The following TUB variants were observed in gnomAD, a reference collection of about 807,000 sequenced individuals.
TUB encodes the protein tubby protein homolog.
In TUB, 33 loss-of-function variants were observed where a neutral mutation model predicts 59.7. The observed-to-expected ratio is 0.55, with a 90% CI of 0.42 to 0.74. TUB has a LOEUF of 0.74. Among genes scored for constraint, TUB ranks in the 30% least tolerant of loss-of-function variants. The pLI is 0.00. For missense variants in TUB, 659 were observed against 672.0 expected (o/e 0.98, Z 0.21); for synonymous variants, 293 against 256.4 (o/e 1.14, Z -1.36).
chr11:8,019,400 C>T, intron 1 of TUB: 1 of 1,230,824 alleles, frequency 8.1e-7, no homozygotes, highest in Non-Finnish European at 1.0e-6. Flanking sequence ...CGCCTGCTGA[C>T]CCTCGATCTC....
At chr11:8,046,849 T>C (rs935995374) in intron 2 of TUB, among the ~76,000 whole-genome samples, 11 of 152,190 alleles carry the variant, frequency 7.2e-5, no homozygotes, top group Non-Finnish European at 1.2e-4. Flanking sequence ...TTGGGCCACA[T>C]TGGAAGAAGA....
chr11:8,065,931 T>TCA (rs1943231235), intron 2 of TUB, among the ~76,000 whole-genome samples: 2 of 152,020 alleles, frequency 1.3e-5, no homozygotes, highest in Non-Finnish European at 2.9e-5. Context: ...GTGGATTCTG[T>TCA]GGTTGCAGAC....
In TUB at chr11:8,105,473, CAGAT is replaced by C. The variant is rs988243204; in HGVS notation, c.*3859_*3862del. 3 of 151,448 alleles carry C rather than the reference CAGAT, an allele frequency of 2.0e-5. No homozygotes were observed. Among genetic ancestry groups the C allele is most frequent in the African/African-American group, 7.3e-5 (3 of 41,212 alleles). The allele number at this position is 151,448 out of a possible 1,614,324, so 9.4% of individuals were successfully genotyped here. On this transcript the variant is annotated 3_prime_UTR_variant, in exon 12 of 12. Coordinates refer to ENST00000299506, the MANE Select transcript of TUB (RefSeq NM_177972.3). Reference sequence around the variant, plus strand: ...CATGATACAGGCGGGAGGGGCAGAACAGATAGATTACGACAGGTTTGGTTTTTAA... The same window carrying C: ...CATGATACAGGCGGGAGGGGCAGAACAGATTACGACAGGTTTGGTTTTTAA...
intron 1 of TUB, among the ~76,000 whole-genome samples, chr11:8,021,299 C>G (rs1035966402): frequency 6.6e-6 from 1 of 151,744 alleles, no homozygotes; most frequent in Non-Finnish European, 1.5e-5. Context: ...GTCTGTACTA[C>G]AAATACAAAA....
chr11:8,055,015 A>G (rs1009187875), intron 2 of TUB, among the ~76,000 whole-genome samples: 1 of 152,160 alleles, frequency 6.6e-6, no homozygotes, highest in African/African-American at 2.4e-5. Flanking sequence ...TCTGGAGCCC[A>G]GGCCTAGATG....
chr11:8,029,925 C>G (rs1942547348), intron 1 of TUB, among the ~76,000 whole-genome samples: 1 of 152,108 alleles, frequency 6.6e-6, no homozygotes, highest in African/African-American at 2.4e-5. Flanking sequence ...AGCTACTTCT[C>G]TTTTGATGGA....
chr11:8,037,441 C>T (rs370427799), upstream of TUB, among the ~76,000 whole-genome samples: 28 of 152,354 alleles, frequency 1.8e-4, no homozygotes, highest in South Asian at 5.2e-3. Context: ...TGACCACTTA[C>T]AGTCTGTCTG....
chr11:8,100,181 G>C (rs1332824469), intron 9 of TUB, among the ~76,000 whole-genome samples: 41 of 152,326 alleles, frequency 2.7e-4, no homozygotes, highest in Non-Finnish European at 7.4e-5. Flanking sequence ...ATAATTGGAA[G>C]GTGGAGCTGA....
intron 2 of TUB, among the ~76,000 whole-genome samples, chr11:8,049,561 G>GTATATATATATA (rs372881525): frequency 0.021 from 2,556 of 122,750 alleles, 29 homozygotes; most frequent in Middle Eastern, 0.025. Flanking sequence ...GTATTATGTG[G>GTATATATATATA]TATATATATA....
intron 2 of TUB, among the ~76,000 whole-genome samples, chr11:8,072,576 G>T (rs968331044): frequency 6.6e-6 from 1 of 152,238 alleles, no homozygotes; most frequent in Non-Finnish European, 1.5e-5. Flanking sequence ...GTGAGTGGGA[G>T]CTCTAAGTAC....
chr11:8,037,650 A>G (rs1318381302), upstream of TUB, among the ~76,000 whole-genome samples: 2 of 152,180 alleles, frequency 1.3e-5, no homozygotes, highest in African/African-American at 4.8e-5. Context: ...ATGGAGGGGA[A>G]GTAGTGGGGC....
rs575817858 is a variant in TUB, at chr11:8,026,872, G to A, written c.56+7514G>A. On this transcript the variant is annotated intron_variant, in intron 1 of 11. Coordinates refer to the TUB transcript ENST00000534099. ...GGAGAGTTACATCTTAGTAACATCGGGCCTTCCAATTCATGAACATGGTAT... is the reference window on the plus strand; with the variant it reads ...GGAGAGTTACATCTTAGTAACATCGAGCCTTCCAATTCATGAACATGGTAT... Among the ~76,000 whole-genome samples, 12 of 152,072 alleles carry A rather than the reference G, an allele frequency of 7.9e-5. No individual in the cohort carries two copies. The East Asian group carries it at 2.1e-3, about 27-fold the overall frequency.
In TUB at chr11:8,024,721, G is replaced by A. The variant is rs767438639; in HGVS notation, c.56+5363G>A. On this transcript the variant is annotated intron_variant, in intron 1 of 11. Transcript: ENST00000534099. ...TCAATTAAAACAAACTTCTGAAGAA[G>A]GATTGTTAGTTTCCAATGTTGGCTA... Among the ~76,000 whole-genome samples, 68 of 152,216 alleles carry A rather than the reference G, an allele frequency of 4.5e-4. 1 individual carries two copies. Among genetic ancestry groups the A allele is most frequent in the Non-Finnish European group, 2.6e-4 (18 of 68,036 alleles).
chr11:8,038,525 G>T (rs934322952), upstream of TUB: 26 of 896,870 alleles, frequency 2.9e-5, no homozygotes, highest in Non-Finnish European at 3.3e-5. Flanking sequence ...CAGTGCACTT[G>T]TCTCTGCCTG....
chr11:8,104,959 A>G lies in TUB; in HGVS notation c.*3340A>G, dbSNP rs1169791150. On this transcript the variant is annotated 3_prime_UTR_variant, in exon 12 of 12. Coordinates refer to ENST00000299506, the MANE Select transcript of TUB (RefSeq NM_177972.3). The stretch of plus-strand genomic sequence containing the variant: ...TTTTTTTTTTTTCTCCATTCTGAAA[A>G]TAGCAGGACATTTACCTCTTAAATA... 1 of 149,512 alleles carries G rather than the reference A, an allele frequency of 6.7e-6. No individual in the cohort carries two copies. Among genetic ancestry groups the G allele is most frequent in the African/African-American group, 2.5e-5 (1 of 39,226 alleles). The allele number at this position is 149,512 out of a possible 1,614,324, so 9.3% of individuals were successfully genotyped here.
intron 2 of TUB, among the ~76,000 whole-genome samples, chr11:8,048,000 A>G (rs1055194369): frequency 6.6e-6 from 1 of 152,052 alleles, no homozygotes; most frequent in Admixed American, 6.5e-5. Context: ...TACAAGCACC[A>G]TGAAGGCAGG....
chr11:8,085,885 C>G (rs924115980), intron 1 of TUB, among the ~76,000 whole-genome samples: 13 of 152,156 alleles, frequency 8.5e-5, no homozygotes, highest in Non-Finnish European at 1.8e-4. Context: ...TGTTGTCAAT[C>G]GTGGATGACT....
intron 2 of TUB, among the ~76,000 whole-genome samples, chr11:8,058,447 A>G (rs1943058894): frequency 6.6e-6 from 1 of 152,188 alleles, no homozygotes; most frequent in Non-Finnish European, 1.5e-5. Flanking sequence ...GGGTGGCTAG[A>G]CCAGGGGAGT....
At chr11:8,079,108 C>T (rs114239861), upstream of TUB, among the ~76,000 whole-genome samples, 17 of 152,250 alleles carry the variant, frequency 1.1e-4, no homozygotes, top group African/African-American at 2.9e-4. Flanking sequence ...TCAATTACTC[C>T]AGGCTCCTGA....
Sources: gnomAD v4.1 joint callset for allele counts (sites outside exome capture counted in the v4.1 genomes callset) on GRCh38, gnomAD v4.1.1 for gene constraint, MANE v1.5 for transcripts, NCBI Gene and HGNC (gene_info 2026-07-23, HGNC 2026-07-21) for gene names.